The following ARHGAP32 variants were observed in gnomAD, a reference collection of about 807,000 sequenced individuals.
ARHGAP32 encodes the protein rho GTPase-activating protein 32.
ARHGAP32 carries 51 observed loss-of-function variants against 186.5 expected under a neutral mutation model. The observed-to-expected ratio is 0.27, with a 90% CI of 0.22 to 0.35. ARHGAP32 has a LOEUF of 0.35. Ranked by LOEUF, ARHGAP32 falls within the 10% of genes least tolerant of loss-of-function variation. The pLI is 1.00. For synonymous variants in ARHGAP32, 950 were observed against 964.3 expected (o/e 0.99, Z 0.27); for missense variants, 2,186 against 2,623.5 (o/e 0.83, Z 3.64).
chr11:129,174,119 C>T (rs1267536033), intron 1 of ARHGAP32, among the ~76,000 whole-genome samples: 2 of 152,202 alleles, frequency 1.3e-5, no homozygotes, highest in Admixed American at 6.5e-5. Flanking sequence ...CGAGGCATTG[C>T]CTCACTCGGG....
rs1257035257 is a variant in ARHGAP32 at position 129,051,906 on chromosome 11, G to C, written c.963+10374C>G. Among the ~76,000 whole-genome samples the C allele has an allele frequency of 4.5e-5, 6 of 134,030 alleles. No individual in the cohort carries two copies. In the East Asian group the frequency reaches 1.2e-3, roughly 27 times the overall value. 87.9% of individuals were successfully genotyped at this position (134,030 alleles called of 152,430 possible). A position where few individuals can be genotyped will look rare whatever the true frequency, so the allele number is the denominator to read the frequency against. ...GGAGGCGGAGGTTGCAGTGAGCCGA[G>C]ATTGGGCCACTGCACTCCAGCCTGG... On this transcript the variant is annotated intron_variant, in intron 10 of 22. Coordinates refer to ENST00000682385, the MANE Select transcript of ARHGAP32 (RefSeq NM_001378024.1).
At chr11:129,020,732 G>C (rs1285638085) in intron 11 of ARHGAP32, among the ~76,000 whole-genome samples, 1 of 151,990 alleles carries the variant, frequency 6.6e-6, no homozygotes, top group Non-Finnish European at 1.5e-5. Context: ...GAATATAACA[G>C]TTTTTCAGCC....
At chr11:129,250,830 A>T (rs1945171817) in intron 1 of ARHGAP32, among the ~76,000 whole-genome samples, 1 of 152,182 alleles carries the variant, frequency 6.6e-6, no homozygotes, top group Non-Finnish European at 1.5e-5. Context: ...TAAAAAGAAA[A>T]GCAAGAAGGA....
intron 1 of ARHGAP32, among the ~76,000 whole-genome samples, chr11:129,277,543 A>C (rs564261043): frequency 6.6e-6 from 1 of 152,346 alleles, no homozygotes; most frequent in African/African-American, 2.4e-5. Flanking sequence ...AATGTGAACG[A>C]TCATACAGTA....
rs867755185 is a variant in ARHGAP32, at chr11:128,970,405, G to A, written c.4808C>T (p.Pro1603Leu). ...AACAGAGCGAATCATGGAAGACGGC[G>A]GAGCATGGAGAGACTGCACTCTCCG... ...TIRRVQSLHA[P>L]PSSMIRSVPI... The change falls in exon 23 of 23, where the codon CCG becomes CTG. Residue 1603 changes from proline (P) to leucine (L), a missense_variant. Coordinates refer to ENST00000682385, the MANE Select transcript of ARHGAP32 (RefSeq NM_001378024.1). The surrounding 1 kb of genome is among the most constrained non-coding windows in gnomAD (Gnocchi z 5.8). The A allele has an allele frequency of 4.3e-6, 7 of 1,614,124 alleles. 1 individual carries two copies. Among genetic ancestry groups the A allele is most frequent in the Middle Eastern group, 3.3e-4 (2 of 6,062 alleles).
chr11:129,012,431 T>C (rs942347202), intron 11 of ARHGAP32, among the ~76,000 whole-genome samples: 6 of 152,200 alleles, frequency 3.9e-5, no homozygotes, highest in East Asian at 3.8e-4. Context: ...AATAATGATA[T>C]ATTGGTTGCA....
At chr11:129,145,179 A>G (rs965457394) in intron 2 of ARHGAP32, among the ~76,000 whole-genome samples, 5 of 152,008 alleles carry the variant, frequency 3.3e-5, no homozygotes, top group Admixed American at 1.3e-4. Context: ...AACTCTAAGA[A>G]CTTTACCTTT....
Position 128,970,797 on chromosome 11 carries a change from T to C in ARHGAP32, c.4416A>G (p.Pro1472=). The change falls in exon 23 of 23, where the codon CCA becomes CCG. Residue 1472 remains proline (P), a synonymous_variant. Transcript: ENST00000682385. This position sits in a 1 kb window ranked among gnomAD's most constrained non-coding sequence, Gnocchi z 5.8. ...CATGCTTAGGTTGTGGGACAGGAAG[T>C]GGTAAAGGCAATGCATCGTCCACAG... ...STSVDDALPL[P]LPVPQPKHAS... 1 of 1,613,880 alleles carries C rather than the reference T, an allele frequency of 6.2e-7. No homozygotes were observed. Among genetic ancestry groups the C allele is most frequent in the African/African-American group, 1.3e-5 (1 of 74,928 alleles).
intron 6 of ARHGAP32, among the ~76,000 whole-genome samples, chr11:129,081,328 C>T (rs992552165): frequency 5.9e-5 from 9 of 151,872 alleles, no homozygotes; most frequent in African/African-American, 1.7e-4. Context: ...AACTACAGAC[C>T]AATATCCCTG....
chr11:129,174,443 G>A (rs1352571932), intron 1 of ARHGAP32, among the ~76,000 whole-genome samples: 1 of 152,204 alleles, frequency 6.6e-6, no homozygotes, highest in African/African-American at 2.4e-5. Context: ...GCCCACCACA[G>A]CTCAAGGAGG....
chr11:129,068,584 A>C (rs1940770459), intron 6 of ARHGAP32, among the ~76,000 whole-genome samples: 1 of 152,130 alleles, frequency 6.6e-6, no homozygotes, highest in South Asian at 2.1e-4. Flanking sequence ...CAGAATTTAC[A>C]GCACTGCTAA....
intron 1 of ARHGAP32, among the ~76,000 whole-genome samples, chr11:129,224,816 T>C (rs1944757761): frequency 6.9e-6 from 1 of 145,868 alleles, no homozygotes; most frequent in African/African-American, 2.5e-5. Context: ...AGCATTTGCC[T>C]AAAATATTTA....
chr11:129,048,175 T>C (rs1939892230), intron 10 of ARHGAP32, among the ~76,000 whole-genome samples: 1 of 152,064 alleles, frequency 6.6e-6, no homozygotes, highest in Non-Finnish European at 1.5e-5. Context: ...CTAATTTCCA[T>C]TTAAATAAAA....
intron 10 of ARHGAP32, among the ~76,000 whole-genome samples, chr11:129,051,212 T>A (rs1419818846): frequency 6.6e-6 from 1 of 152,210 alleles, no homozygotes; most frequent in Non-Finnish European, 1.5e-5. Flanking sequence ...CTTGAGGAAC[T>A]GCCACACTGT....
At chr11:129,226,832 T>C (rs1227119914) in intron 1 of ARHGAP32, among the ~76,000 whole-genome samples, 1 of 152,026 alleles carries the variant, frequency 6.6e-6, no homozygotes, top group Non-Finnish European at 1.5e-5. Context: ...CTAAGAGAAT[T>C]TGTAGTTAGA....
chr11:129,156,336 C>G (rs886368306), intron 2 of ARHGAP32, among the ~76,000 whole-genome samples: 1 of 152,224 alleles, frequency 6.6e-6, no homozygotes, highest in African/African-American at 2.4e-5. Flanking sequence ...AGCTAAGATC[C>G]ACTGCCTTGA....
intron 11 of ARHGAP32, among the ~76,000 whole-genome samples, chr11:129,038,888 G>GAAAAA (rs56810685): frequency 2.1e-3 from 190 of 91,762 alleles, no homozygotes; most frequent in Admixed American, 2.6e-3. Flanking sequence ...ACCCTGTCTC[G>GAAAAA]AAAAAAAAAA....
chr11:129,234,184 A>C (rs1284552272), intron 1 of ARHGAP32, among the ~76,000 whole-genome samples: 2 of 152,102 alleles, frequency 1.3e-5, no homozygotes, highest in Non-Finnish European at 2.9e-5. Context: ...TCTAACATTA[A>C]AGTTTTTAAA....
intron 11 of ARHGAP32, among the ~76,000 whole-genome samples, chr11:129,003,316 A>T: frequency 6.6e-6 from 1 of 152,292 alleles, no homozygotes; most frequent in East Asian, 1.9e-4. Context: ...TTTTGCATCA[A>T]TATTCATCAG....
Sources: allele counts gnomAD v4.1 joint callset (sites outside exome capture counted in the v4.1 genomes callset), GRCh38; gene constraint gnomAD v4.1.1; non-coding constraint Gnocchi (gnomAD v3.1); transcripts MANE v1.5; gene names NCBI Gene and HGNC (gene_info 2026-07-23, HGNC 2026-07-21).